Variants in PPP3CA observed in about 807,000 individuals in gnomAD.
PPP3CA encodes protein phosphatase 3 catalytic subunit alpha, also known as CAM-PRP catalytic subunit.
In PPP3CA, 14 loss-of-function variants were observed where a neutral mutation model predicts 66.5. The ratio of observed to expected loss-of-function variants is 0.21; its 90% CI spans 0.14 to 0.33. PPP3CA has a LOEUF of 0.33. PPP3CA is among the 10% of genes least tolerant of loss of function. The pLI, the probability that PPP3CA is intolerant of heterozygous loss-of-function variation, is 1.00. For missense variants in PPP3CA, 317 were observed against 639.5 expected (o/e 0.50, Z 5.44); for synonymous variants, 232 against 226.2 (o/e 1.03, Z -0.23).
chr4:101,197,860 C>T (rs1724849534), intron 1 of PPP3CA, among the ~76,000 whole-genome samples: 1 of 152,042 alleles, frequency 6.6e-6, no homozygotes, highest in African/African-American at 2.4e-5. Flanking sequence ...TGAGTTTAAA[C>T]CCCAGCAGTC....
chr4:101,040,229 T>C (rs1489098650), intron 11 of PPP3CA, among the ~76,000 whole-genome samples: 1 of 152,202 alleles, frequency 6.6e-6, no homozygotes, highest in Non-Finnish European at 1.5e-5. Flanking sequence ...TAAAGTCCTA[T>C]AGCAAATAGA....
At chr4:101,239,014 T>C (rs937142470) in intron 1 of PPP3CA, among the ~76,000 whole-genome samples, 1 of 152,048 alleles carries the variant, frequency 6.6e-6, no homozygotes, top group African/African-American at 2.4e-5. Flanking sequence ...ATTTCCTCCA[T>C]CTACAAACAC....
chr4:101,134,987 C>T (rs1281246963), intron 2 of PPP3CA, among the ~76,000 whole-genome samples: 1 of 152,024 alleles, frequency 6.6e-6, no homozygotes, highest in Admixed American at 6.6e-5. Context: ...CCAAACACCG[C>T]ATGTTCTCAC....
At chr4:101,068,519 T>G (rs1338695952) in intron 8 of PPP3CA, among the ~76,000 whole-genome samples, 1 of 152,154 alleles carries the variant, frequency 6.6e-6, no homozygotes, top group Non-Finnish European at 1.5e-5. Flanking sequence ...TTCAAAAATC[T>G]GTATTTTCTC....
At chr4:101,248,436 A>G (rs1726560639) in intron 1 of PPP3CA, among the ~76,000 whole-genome samples, 1 of 152,238 alleles carries the variant, frequency 6.6e-6, no homozygotes, top group African/African-American at 2.4e-5. Context: ...AGAGAAAGTC[A>G]GCTACATCAC....
intron 8 of PPP3CA, among the ~76,000 whole-genome samples, chr4:101,065,933 C>A (rs961917228): frequency 1.3e-5 from 2 of 152,044 alleles, no homozygotes; most frequent in Admixed American, 6.6e-5. Flanking sequence ...ACTGATAAAG[C>A]AAATATTGTT....
chr4:101,229,109 T>A (rs891897998), intron 1 of PPP3CA, among the ~76,000 whole-genome samples: 1 of 151,620 alleles, frequency 6.6e-6, no homozygotes, highest in Non-Finnish European at 1.5e-5. Context: ...ATTATATCTC[T>A]TCAATAGGTG....
chr4:101,253,559 C>T (rs1174493563), intron 1 of PPP3CA, among the ~76,000 whole-genome samples: 1 of 152,092 alleles, frequency 6.6e-6, no homozygotes, highest in Non-Finnish European at 1.5e-5. Context: ...ACACTCATCT[C>T]CATCACTTGG....
At chr4:101,066,956 A>G (rs1000562528) in intron 8 of PPP3CA, among the ~76,000 whole-genome samples, 1 of 152,174 alleles carries the variant, frequency 6.6e-6, no homozygotes, top group African/African-American at 2.4e-5. Context: ...CAGAGAAAAA[A>G]AGAACAAAAG....
intron 1 of PPP3CA, among the ~76,000 whole-genome samples, chr4:101,222,463 C>G (rs1725657454): frequency 6.6e-6 from 1 of 151,504 alleles, no homozygotes. Flanking sequence ...TCCATAAATA[C>G]AATAATACAC....
chr4:101,087,063 G>A (rs994729485), intron 6 of PPP3CA, among the ~76,000 whole-genome samples: 3 of 152,128 alleles, frequency 2.0e-5, no homozygotes, highest in Non-Finnish European at 4.4e-5. Context: ...CCAGTAATAG[G>A]GAAGACCCTG....
chr4:101,280,547 T>C (rs2850348), intron 1 of PPP3CA, among the ~76,000 whole-genome samples: 54,370 of 151,934 alleles, frequency 0.36, 14,711 homozygotes, highest in African/African-American at 0.73. Flanking sequence ...GGACCAGGTG[T>C]GGTGGCTCAT....
At chr4:101,121,037 AG>A (rs1321697455) in intron 2 of PPP3CA, among the ~76,000 whole-genome samples, 2 of 152,108 alleles carry the variant, frequency 1.3e-5, no homozygotes, top group Non-Finnish European at 2.9e-5. Flanking sequence ...AAATTAACAC[AG>A]GTGTTTGGAA....
At chr4:101,339,045 T>C (rs1438118477) in intron 1 of PPP3CA, among the ~76,000 whole-genome samples, 1 of 152,184 alleles carries the variant, frequency 6.6e-6, no homozygotes, top group Non-Finnish European at 1.5e-5. Context: ...GACAGCAGCG[T>C]TAGTGCCACC....
intron 2 of PPP3CA, among the ~76,000 whole-genome samples, chr4:101,125,322 T>C (rs1300945299): frequency 6.6e-6 from 1 of 152,250 alleles, no homozygotes; most frequent in Non-Finnish European, 1.5e-5. Flanking sequence ...CACTTTGATC[T>C]TACTTTCACC....
rs1483551031 is a variant in PPP3CA at position 101,326,841 on chromosome 4, T to C, written c.58+19898A>G. Among the ~76,000 whole-genome samples, 3 of 152,120 alleles carry C rather than the reference T, an allele frequency of 2.0e-5. No homozygotes were observed. In the East Asian group the frequency reaches 5.8e-4, roughly 29 times the overall value. On this transcript the variant is annotated intron_variant, in intron 1 of 13. Coordinates refer to ENST00000394854, the MANE Select transcript of PPP3CA (RefSeq NM_000944.5). ...TGAACAAGTAGCTGGGGATAACAAT[T>C]CAAGAGAAAAGAAACCTCTTAAATA...
chr4:101,097,493 G>C (rs763542934), intron 5 of PPP3CA, among the ~76,000 whole-genome samples: 11 of 152,022 alleles, frequency 7.2e-5, no homozygotes, highest in Non-Finnish European at 1.6e-4. Context: ...AAATATCAAT[G>C]TGAAGAAATT....
chr4:101,100,648 A>G (rs1730404106), intron 3 of PPP3CA, among the ~76,000 whole-genome samples: 1 of 152,188 alleles, frequency 6.6e-6, no homozygotes. Flanking sequence ...AAGAATCCAT[A>G]GGGAACAGAA....
intron 2 of PPP3CA, among the ~76,000 whole-genome samples, chr4:101,143,161 T>C (rs953218956): frequency 6.6e-6 from 1 of 152,190 alleles, no homozygotes; most frequent in African/African-American, 2.4e-5. Flanking sequence ...ACTTCCTATG[T>C]CACGTCACCC....
Sources: allele counts gnomAD v4.1 joint callset (sites outside exome capture counted in the v4.1 genomes callset), GRCh38; gene constraint gnomAD v4.1.1; transcripts MANE v1.5; gene names NCBI Gene and HGNC (gene_info 2026-07-23, HGNC 2026-07-21).